The following SPHKAP variants were observed in gnomAD, a reference collection of about 807,000 sequenced individuals.
SPHKAP encodes the protein A-kinase anchor protein SPHKAP.
Under a neutral mutation model 137.5 loss-of-function variants are expected in SPHKAP, and 67 were observed. The ratio of observed to expected loss-of-function variants is 0.49; its 90% CI spans 0.40 to 0.60. The LOEUF (loss-of-function observed/expected upper bound fraction) is 0.60, where lower values mean the gene tolerates loss of function less well. Among genes scored for constraint, SPHKAP ranks in the 20% least tolerant of loss-of-function variants. The pLI, the probability that SPHKAP is intolerant of heterozygous loss-of-function variation, is 0.00. For missense variants in SPHKAP, 2,097 were observed against 2,069.3 expected, an observed-to-expected ratio of 1.01 and a Z score of -0.26; for synonymous variants, 813 against 785.3, an observed-to-expected ratio of 1.04 and a Z score of -0.59.
chr2:228,017,354 G>A lies in SPHKAP; in HGVS notation c.3500C>T (p.Ala1167Val), dbSNP rs780150576. 9.9e-6 allele frequency: 16 copies of A among 1,613,620 alleles called. No homozygotes were observed. Among genetic ancestry groups the A allele is most frequent in the Admixed American group, 5.0e-5 (3 of 60,000 alleles). ...SSILNSAMQQ[A>V]CRKSDHLSVR... ...ACTGAGGTGGTCACTTTTCCGGCAC[G>A]CCTGTTGCATGGCTGAGTTCAGAAT... The change falls in exon 7 of 12, where the codon GCG (alanine) becomes GTG (valine). Residue 1167 changes from alanine to valine, a missense_variant. Physicochemically the swap from Ala to Val is moderately conservative, Grantham distance 64. Coordinates refer to ENST00000392056, the MANE Select transcript of SPHKAP (RefSeq NM_001142644.2).
intron 8 of SPHKAP, among the ~76,000 whole-genome samples, chr2:227,994,851 A>G (rs1693568199): frequency 6.6e-6 from 1 of 152,240 alleles, no homozygotes; most frequent in African/African-American, 2.4e-5. Context: ...AGTCATACAT[A>G]CACCCAGATG....
intron 1 of SPHKAP, among the ~76,000 whole-genome samples, chr2:228,175,539 A>C (rs1700714504): frequency 6.6e-6 from 1 of 152,176 alleles, no homozygotes; most frequent in Non-Finnish European, 1.5e-5. Context: ...ACTTTTAAAC[A>C]AAAGATAAAT....
chr2:228,123,602 C>T (rs148565105), intron 2 of SPHKAP, among the ~76,000 whole-genome samples: 2,331 of 152,246 alleles, frequency 0.015, 28 homozygotes, highest in Non-Finnish European at 0.023. Flanking sequence ...AGTGAAAGTA[C>T]TTCTTAGCTT....
intron 2 of SPHKAP, among the ~76,000 whole-genome samples, chr2:228,129,522 T>G (rs1699180864): frequency 6.6e-6 from 1 of 152,182 alleles, no homozygotes. Context: ...CTAACAGAGT[T>G]TTGAATGTAT....
chr2:227,987,506 C>A (rs138745479), intron 11 of SPHKAP, among the ~76,000 whole-genome samples: 214 of 152,244 alleles, frequency 1.4e-3, no homozygotes, highest in African/African-American at 4.8e-3. Flanking sequence ...TGCTTAAGAC[C>A]TGATGAATGT....
At chr2:228,045,761 A>C (rs995010283) in intron 3 of SPHKAP, among the ~76,000 whole-genome samples, 2 of 152,052 alleles carry the variant, frequency 1.3e-5, no homozygotes, top group African/African-American at 2.4e-5. Flanking sequence ...TAATAAAAAA[A>C]AGAAAAAAAA....
chr2:228,097,886 A>G (rs1391277128), intron 3 of SPHKAP, among the ~76,000 whole-genome samples: 3 of 152,170 alleles, frequency 2.0e-5, no homozygotes, highest in African/African-American at 4.8e-5. Flanking sequence ...TCCACCATAG[A>G]TGGGAATCTG....
chr2:228,055,628 T>C (rs1425649186), intron 3 of SPHKAP, among the ~76,000 whole-genome samples: 1 of 152,200 alleles, frequency 6.6e-6, no homozygotes, highest in African/African-American at 2.4e-5. Flanking sequence ...AAGTGAGAGT[T>C]CCAGCTCAGA....
chr2:228,136,642 T>C (rs1309598983), intron 1 of SPHKAP, among the ~76,000 whole-genome samples: 1 of 152,206 alleles, frequency 6.6e-6, no homozygotes, highest in African/African-American at 2.4e-5. Context: ...CTTGGGAGCT[T>C]GTTAGACACC....
At chr2:228,072,319 A>G (rs1374318336) in intron 3 of SPHKAP, among the ~76,000 whole-genome samples, 1 of 152,190 alleles carries the variant, frequency 6.6e-6, no homozygotes, top group Non-Finnish European at 1.5e-5. Context: ...ATTGTCTACT[A>G]TAAGTGTCTA....
At chr2:228,072,307 T>C (rs1401837632) in intron 3 of SPHKAP, among the ~76,000 whole-genome samples, 2 of 152,188 alleles carry the variant, frequency 1.3e-5, no homozygotes, top group Admixed American at 1.3e-4. Flanking sequence ...CAGTTATCTA[T>C]AATTGTCTAC....
Position 228,019,384 on chromosome 2 carries a change from T to C in SPHKAP, c.1470A>G (p.Arg490=), listed in dbSNP as rs746242406. The change falls in exon 7 of 12, where the codon AGA becomes AGG. Residue 490 remains arginine, a synonymous_variant. Coordinates refer to ENST00000392056, the MANE Select transcript of SPHKAP (RefSeq NM_001142644.2). ...CCACTTCTAGAGCACTCTGGGGTTG[T>C]CTGCTGGAGTTCTCTCCAGAGAGGA... ...SSILSGENSS[R]QPQSALEVAL... 8.0e-5 allele frequency: 129 copies of C among 1,614,070 alleles called. No homozygotes were observed. The highest frequency in any genetic ancestry group is 1.1e-4 in the Non-Finnish European group (124 of 1,180,048).
intron 1 of SPHKAP, among the ~76,000 whole-genome samples, chr2:228,152,590 G>C (rs1036099298): frequency 1.3e-5 from 2 of 151,956 alleles, no homozygotes; most frequent in African/African-American, 2.4e-5. Flanking sequence ...TACTGTTAAT[G>C]TAACTGCTGA....
At chr2:228,049,377 T>C (rs1696174455) in intron 3 of SPHKAP, among the ~76,000 whole-genome samples, 1 of 152,240 alleles carries the variant, frequency 6.6e-6, no homozygotes, top group African/African-American at 2.4e-5. Flanking sequence ...TTTTCTAAAG[T>C]GTGATTCCCT....
At chr2:228,149,612 A>G (rs1384429745) in intron 1 of SPHKAP, among the ~76,000 whole-genome samples, 3 of 152,218 alleles carry the variant, frequency 2.0e-5, no homozygotes, top group East Asian at 3.9e-4. Flanking sequence ...AGGATCTCCA[A>G]TCTAAGCCAC....
chr2:228,152,318 A>G (rs1222511196), intron 1 of SPHKAP, among the ~76,000 whole-genome samples: 1 of 152,088 alleles, frequency 6.6e-6, no homozygotes, highest in East Asian at 1.9e-4. Flanking sequence ...TTTTGAGGCA[A>G]TTTTATTAGG....
chr2:228,102,249 T>G (rs1559174320), intron 3 of SPHKAP, among the ~76,000 whole-genome samples: 1 of 152,222 alleles, frequency 6.6e-6, no homozygotes, highest in Non-Finnish European at 1.5e-5. Flanking sequence ...GCTTACCTTT[T>G]TTTTTTAAAC....
intron 3 of SPHKAP, among the ~76,000 whole-genome samples, chr2:228,088,422 T>A (rs1201043461): frequency 1.3e-5 from 2 of 152,120 alleles, no homozygotes; most frequent in South Asian, 4.1e-4. Flanking sequence ...GAAAATATTT[T>A]AAAAATACAG....
chr2:228,067,229 A>C (rs891394900), intron 3 of SPHKAP, among the ~76,000 whole-genome samples: 2 of 152,242 alleles, frequency 1.3e-5, no homozygotes, highest in African/African-American at 2.4e-5. Context: ...ACACTGCAGA[A>C]GTCCCAATTA....
Sources: allele counts gnomAD v4.1 joint callset (sites outside exome capture counted in the v4.1 genomes callset), GRCh38; gene constraint gnomAD v4.1.1; transcripts MANE v1.5; gene names NCBI Gene and HGNC (gene_info 2026-07-23, HGNC 2026-07-21).